Variants in RUNDC3B observed in about 807,000 individuals in gnomAD.
The protein encoded by RUNDC3B is RUN domain containing 3B.
Under a neutral mutation model 58.4 loss-of-function variants are expected in RUNDC3B, and 33 were observed. The ratio of observed to expected loss-of-function variants is 0.56; its 90% confidence interval spans 0.43 to 0.75. The LOEUF is 0.75. Ranked by LOEUF, RUNDC3B falls within the 30% of genes least tolerant of loss-of-function variation. The probability of loss-of-function intolerance (pLI) is 0.00; values close to 1 mark genes in which losing one functional copy is unlikely to be tolerated. For missense variants in RUNDC3B, 501 were observed against 535.7 expected, an observed-to-expected ratio of 0.94 and a Z score of 0.64; for synonymous variants, 193 against 195.2, an observed-to-expected ratio of 0.99 and a Z score of 0.10.
intron 10 of RUNDC3B, among the ~76,000 whole-genome samples, chr7:87,820,734 A>G (rs1837371880): frequency 6.6e-6 from 1 of 151,802 alleles, no homozygotes. Flanking sequence ...CTGGTTCAAC[A>G]TACGCAAATC....
intron 3 of RUNDC3B, among the ~76,000 whole-genome samples, chr7:87,708,803 G>T (rs1331899029): frequency 2.6e-5 from 4 of 151,796 alleles, no homozygotes; most frequent in African/African-American, 9.7e-5. Flanking sequence ...CATAAAGTAG[G>T]GATAGTATTG....
chr7:87,638,624 T>G (rs1162759223), intron 1 of RUNDC3B, among the ~76,000 whole-genome samples: 12 of 151,992 alleles, frequency 7.9e-5, no homozygotes, highest in African/African-American at 1.7e-4. Flanking sequence ...TTTTTTTTTT[T>G]GCTGAGACTT....
chr7:87,744,303 T>C (rs890222644), intron 6 of RUNDC3B, among the ~76,000 whole-genome samples: 2 of 152,182 alleles, frequency 1.3e-5, no homozygotes, highest in African/African-American at 4.8e-5. Context: ...GGGTTCTTTT[T>C]TGGTTCCATA....
chr7:87,824,482 G>T (rs554902377), intron 10 of RUNDC3B, among the ~76,000 whole-genome samples: 2 of 152,178 alleles, frequency 1.3e-5, no homozygotes, highest in African/African-American at 2.4e-5. Flanking sequence ...TTCACAAATT[G>T]CCTAGTCTTG....
At chr7:87,736,882 TATATA>T (rs1206731269) in intron 4 of RUNDC3B, among the ~76,000 whole-genome samples, 171 of 40,928 alleles carry the variant, frequency 4.2e-3, no homozygotes, top group Non-Finnish European at 5.6e-3. Context: ...TATATATATA[TATATA>T]TATTTTTTTT....
chr7:87,706,015 A>T (rs1266420952), intron 3 of RUNDC3B, among the ~76,000 whole-genome samples: 1 of 151,810 alleles, frequency 6.6e-6, no homozygotes, highest in Non-Finnish European at 1.5e-5. Flanking sequence ...TTGTCCCCCC[A>T]TTTTCTTTGT....
intron 9 of RUNDC3B, among the ~76,000 whole-genome samples, chr7:87,811,384 A>C (rs1836704971): frequency 6.6e-6 from 1 of 151,444 alleles, no homozygotes; most frequent in Non-Finnish European, 1.5e-5. Flanking sequence ...GCCAGGCTAG[A>C]GTGCAGTGGC....
intron 2 of RUNDC3B, among the ~76,000 whole-genome samples, chr7:87,666,837 A>C (rs1825300481): frequency 1.3e-5 from 2 of 151,974 alleles, no homozygotes; most frequent in Non-Finnish European, 2.9e-5. Context: ...ATTCTGTTCC[A>C]TTGGTCTATG....
chr7:87,695,999 T>TTGCTAGAAA (rs1467439311), intron 2 of RUNDC3B, among the ~76,000 whole-genome samples: 7 of 152,158 alleles, frequency 4.6e-5, no homozygotes, highest in African/African-American at 1.7e-4. Context: ...GATTGTCTTT[T>TTGCTAGAAA]AGTCTAGCAA....
intron 6 of RUNDC3B, among the ~76,000 whole-genome samples, chr7:87,768,766 G>T (rs1366896202): frequency 6.6e-6 from 1 of 152,054 alleles, no homozygotes; most frequent in Non-Finnish European, 1.5e-5. Flanking sequence ...GCTGTTTCCT[G>T]CATGGTCTCC....
chr7:87,674,782 A>C (rs1412880706), intron 2 of RUNDC3B, among the ~76,000 whole-genome samples: 1 of 152,076 alleles, frequency 6.6e-6, no homozygotes, highest in Non-Finnish European at 1.5e-5. Flanking sequence ...CTGGAGCCCA[A>C]GGAGAGGCTA....
At chr7:87,825,288 G>C (rs935327616) in intron 10 of RUNDC3B, among the ~76,000 whole-genome samples, 1 of 152,158 alleles carries the variant, frequency 6.6e-6, no homozygotes, top group Non-Finnish European at 1.5e-5. Flanking sequence ...ATTTGCATAA[G>C]TAACAAGGAG....
At chr7:87,715,395 TATATTTA>T (rs1830490116) in intron 4 of RUNDC3B, among the ~76,000 whole-genome samples, 1 of 125,904 alleles carries the variant, frequency 7.9e-6, no homozygotes, top group Admixed American at 9.4e-5. Flanking sequence ...TATAATATAA[TATATTTA>T]ATATTTAATA....
rs369499513 is a variant in RUNDC3B, at chr7:87,692,464, A to G, written c.239-7957A>G. On this transcript the variant is annotated intron_variant, in intron 2 of 10. Transcript: ENST00000394654. ...AAAGTGAGAACCTGTCTCTTAAACA[A>G]TCAAACACAAAAACCCTATAAATTG... Among the ~76,000 whole-genome samples the G allele has an allele frequency of 1.4e-4, 21 of 152,304 alleles. No individual in the cohort carries two copies. In the East Asian group the frequency reaches 2.9e-3, roughly 21 times the overall value.
At chr7:87,631,394 T>A (rs1015465356) in intron 1 of RUNDC3B, among the ~76,000 whole-genome samples, 128 of 152,348 alleles carry the variant, frequency 8.4e-4, no homozygotes, top group African/African-American at 2.9e-3. Context: ...TTTAATTTTT[T>A]ATTTATTTAT....
chr7:87,775,693 C>T (rs1326979436), intron 7 of RUNDC3B, among the ~76,000 whole-genome samples: 1 of 152,052 alleles, frequency 6.6e-6, no homozygotes, highest in Non-Finnish European at 1.5e-5. Context: ...ATCTTTTATA[C>T]CATATTTTTA....
At chr7:87,748,444 T>C (rs1832775062) in intron 6 of RUNDC3B, among the ~76,000 whole-genome samples, 1 of 152,186 alleles carries the variant, frequency 6.6e-6, no homozygotes, top group African/African-American at 2.4e-5. Flanking sequence ...AAATTCACAA[T>C]GCAAGCCTCC....
At chr7:87,767,417 T>G (rs1834030468) in intron 6 of RUNDC3B, among the ~76,000 whole-genome samples, 1 of 152,236 alleles carries the variant, frequency 6.6e-6, no homozygotes, top group African/African-American at 2.4e-5. Context: ...TCATTTCTAG[T>G]TGCTTTCAGG....
intron 7 of RUNDC3B, 22 bp downstream of exon 7, chr7:87,770,771 G>A (rs200886073): frequency 6.1e-5 from 94 of 1,550,100 alleles, no homozygotes; most frequent in South Asian, 5.4e-4. Context: ...TTATCAAAAC[G>A]TACTTAATTT....
Sources: allele counts gnomAD v4.1 joint callset (sites outside exome capture counted in the v4.1 genomes callset), GRCh38; gene constraint gnomAD v4.1.1; transcripts MANE v1.5; gene names NCBI Gene and HGNC (gene_info 2026-07-23, HGNC 2026-07-21).